Variants in RAP1A observed in about 807,000 individuals in gnomAD.
RAP1A encodes the protein RAP1A, member of RAS oncogene family.
Under a neutral mutation model 26.4 loss-of-function variants are expected in RAP1A, and 6 were observed. The observed-to-expected ratio is 0.23, with a 90% CI of 0.12 to 0.45. RAP1A has a LOEUF of 0.45. RAP1A is among the 20% of genes least tolerant of loss of function. RAP1A has a pLI of 0.99. For synonymous variants in RAP1A, 73 were observed against 79.4 expected (o/e 0.92, Z 0.43); for missense variants, 121 against 217.2 (o/e 0.56, Z 2.78).
intron 1 of RAP1A, among the ~76,000 whole-genome samples, chr1:111,613,156 T>G (rs925239118): frequency 2.6e-5 from 4 of 151,896 alleles, no homozygotes; most frequent in East Asian, 1.9e-4. Context: ...CGTAGGGTTT[T>G]TTTTTTTTTT....
Position 111,695,387 on chromosome 1 carries a change from C to T in RAP1A, c.104C>T (p.Thr35Met), listed in dbSNP as rs1661796802. The T allele has an allele frequency of 3.2e-6, 5 of 1,566,836 alleles. No individual in the cohort carries two copies. Among genetic ancestry groups the T allele is most frequent in the Non-Finnish European group, 4.3e-6 (5 of 1,162,288 alleles). The stretch of plus-strand genomic sequence containing the variant: ...ATTTTTGTTGAAAAATATGACCCAA[C>T]GATAGAAGATTCCTACAGAAAGGTA... Reference protein sequence around the residue: ...QGIFVEKYDPTIEDSYRKQVE... With the variant: ...QGIFVEKYDPMIEDSYRKQVE... The change falls in exon 3 of 8, where the codon ACG becomes ATG. Residue 35 changes from threonine to methionine, a missense_variant. Physicochemically the swap from Thr to Met is moderately conservative, Grantham distance 81. Coordinates refer to ENST00000369709, the MANE Select transcript of RAP1A (RefSeq NM_002884.4).
In RAP1A at chr1:111,715,016, T is replaced by G. The variant is rs1662493263; in HGVS notation, c.*2615T>G. The stretch of plus-strand genomic sequence containing the variant: ...TCCCTGAACAGTCTACTTTTAGAAA[T>G]TAACAGTAAATACACAATCCAGCTG... On this transcript the variant is annotated 3_prime_UTR_variant, in exon 8 of 8. Coordinates refer to ENST00000369709, the MANE Select transcript of RAP1A (RefSeq NM_002884.4). 6.6e-6 allele frequency: 1 copy of G among 152,174 alleles called. No homozygotes were observed. Among genetic ancestry groups the G allele is most frequent in the Non-Finnish European group, 1.5e-5 (1 of 68,046 alleles). 9.4% of individuals were successfully genotyped at this position (152,174 alleles called of 1,614,324 possible). A position where few individuals can be genotyped will look rare whatever the true frequency, so the allele number is the denominator to read the frequency against.
chr1:111,632,141 A>G (rs2101104983), intron 1 of RAP1A, among the ~76,000 whole-genome samples: 1 of 152,076 alleles, frequency 6.6e-6, no homozygotes, highest in African/African-American at 2.4e-5. Flanking sequence ...GTCTTCTATT[A>G]GAATATCAAA....
chr1:111,702,785 C>T (rs924591429), intron 4 of RAP1A, among the ~76,000 whole-genome samples: 6 of 152,140 alleles, frequency 3.9e-5, no homozygotes, highest in Non-Finnish European at 7.3e-5. Context: ...GTCTTGAACT[C>T]CTGACCTGGG....
Position 111,623,946 on chromosome 1 carries a change from T to C in RAP1A, c.-28+4012T>C, listed in dbSNP as rs568888227. Among the ~76,000 whole-genome samples the C allele has an allele frequency of 9.2e-4, 140 of 152,326 alleles. 2 individuals carry two copies. In the Middle Eastern group the frequency reaches 0.01, roughly 11 times the overall value. On this transcript the variant is annotated intron_variant, in intron 1 of 7. Coordinates refer to ENST00000369709, the MANE Select transcript of RAP1A (RefSeq NM_002884.4). Reference sequence around the variant, plus strand: ...TGACATGTGATAGGGACACCGTAAATGTTCATTGAACCTCAGATCACTTCT... The same window carrying C: ...TGACATGTGATAGGGACACCGTAAACGTTCATTGAACCTCAGATCACTTCT...
intron 1 of RAP1A, among the ~76,000 whole-genome samples, chr1:111,567,826 C>T (rs960797525): frequency 3.9e-5 from 6 of 152,198 alleles, no homozygotes; most frequent in Admixed American, 3.3e-4. Flanking sequence ...AGAGTCCTCA[C>T]CAGAAACCAA....
Position 111,620,852 on chromosome 1 carries a change from T to C in RAP1A, c.-28+918T>C, listed in dbSNP as rs547080532. Among the ~76,000 whole-genome samples the C allele has an allele frequency of 2.0e-5, 3 of 152,308 alleles. No homozygotes were observed. In the South Asian group the frequency reaches 6.2e-4, roughly 32 times the overall value. On this transcript the variant is annotated intron_variant, in intron 1 of 7. Transcript: ENST00000369709. ...GTGTCTTCAGCCGAGTTGTGTAATT[T>C]ACTGCTACGGGGAGAAGATGAGAGG...
chr1:111,647,247 T>G (rs565890560), intron 1 of RAP1A, among the ~76,000 whole-genome samples: 7 of 152,324 alleles, frequency 4.6e-5, no homozygotes, highest in South Asian at 4.1e-4. Flanking sequence ...CTTATGAGAA[T>G]CTAATGCCTG....
chr1:111,627,009 T>C (rs1659421491), intron 1 of RAP1A, among the ~76,000 whole-genome samples: 2 of 152,220 alleles, frequency 1.3e-5, no homozygotes, highest in African/African-American at 2.4e-5. Flanking sequence ...GACGTTTTCT[T>C]TGCACTAGGA....
chr1:111,600,143 C>G (rs912957593), intron 1 of RAP1A: 8 of 152,378 alleles, frequency 5.3e-5, no homozygotes, highest in Non-Finnish European at 1.0e-4. Flanking sequence ...AAAAGTTACT[C>G]AGCCTCAGGT....
intron 1 of RAP1A, among the ~76,000 whole-genome samples, chr1:111,688,611 T>A (rs1661568997): frequency 1.3e-5 from 2 of 151,786 alleles, no homozygotes; most frequent in East Asian, 2.0e-4. Context: ...TGAGCCACCG[T>A]GCCTGGCCAA....
At chr1:111,662,947 G>T (rs141452230) in intron 1 of RAP1A, among the ~76,000 whole-genome samples, 3 of 152,114 alleles carry the variant, frequency 2.0e-5, no homozygotes, top group Non-Finnish European at 4.4e-5. Context: ...ACACAGTCTT[G>T]CTCTGTCGCC....
chr1:111,655,633 G>A (rs1660429945), intron 1 of RAP1A, among the ~76,000 whole-genome samples: 1 of 126,186 alleles, frequency 7.9e-6, no homozygotes, highest in African/African-American at 2.9e-5. Flanking sequence ...TAATCTCCAT[G>A]AAGAACCTTA....
At chr1:111,607,759 G>A (rs867821282) in intron 1 of RAP1A, among the ~76,000 whole-genome samples, 4,681 of 108,126 alleles carry the variant, frequency 0.043, 12 homozygotes, top group Admixed American at 0.071. Flanking sequence ...TTCCCAGTAG[G>A]GGCGGCTGGG....
chr1:111,564,182 C>A (rs893182858), intron 1 of RAP1A, among the ~76,000 whole-genome samples: 2 of 152,186 alleles, frequency 1.3e-5, no homozygotes, highest in African/African-American at 4.8e-5. Context: ...GCTTTCCAAG[C>A]CATTTGGACA....
At chr1:111,635,258 C>T (rs968049846) in intron 1 of RAP1A, among the ~76,000 whole-genome samples, 2 of 152,126 alleles carry the variant, frequency 1.3e-5, no homozygotes, top group Admixed American at 6.5e-5. Context: ...GCTTCAGTTA[C>T]GTCATATGCT....
At chr1:111,659,045 T>C (rs921195882) in intron 1 of RAP1A, among the ~76,000 whole-genome samples, 1 of 152,194 alleles carries the variant, frequency 6.6e-6, no homozygotes, top group Admixed American at 6.5e-5. Context: ...CTCAGAATAA[T>C]ATAGCTACTG....
At position 111,691,844 on chromosome 1, in the gene RAP1A, A is replaced by G. The variant is rs75128565; in HGVS notation, c.57+427A>G. 8.6e-3 allele frequency among the ~76,000 whole-genome samples: 1,317 copies of G among 152,292 alleles called. 17 individuals are homozygous for G. Among genetic ancestry groups the G allele is most frequent in the African/African-American group, 0.03 (1,261 of 41,556 alleles). ...TTTAGTACATAGTTACTGAGTTTCT[A>G]TAGTGTCAGATTCTAGGGTCACAAC... On this transcript the variant is annotated intron_variant, in intron 2 of 7. Coordinates refer to ENST00000369709, the MANE Select transcript of RAP1A (RefSeq NM_002884.4).
intron 1 of RAP1A, among the ~76,000 whole-genome samples, chr1:111,609,045 G>C (rs1157602369): frequency 6.6e-6 from 1 of 152,210 alleles, no homozygotes; most frequent in Non-Finnish European, 1.5e-5. Context: ...GTCAGCAAAT[G>C]AGCATTAAAA....
Sources: allele counts gnomAD v4.1 joint callset (sites outside exome capture counted in the v4.1 genomes callset), GRCh38; gene constraint gnomAD v4.1.1; transcripts MANE v1.5; gene names NCBI Gene and HGNC (gene_info 2026-07-23, HGNC 2026-07-21).